Variants in DAB2 observed in about 807,000 individuals in gnomAD.
DAB2 encodes disabled homolog 2.
In DAB2, 28 loss-of-function variants were observed where a neutral mutation model predicts 71.6. That is an observed-to-expected ratio of 0.39 (90% CI 0.29 to 0.54). DAB2 has a LOEUF of 0.54. Ranked by LOEUF, DAB2 falls within the 20% of genes least tolerant of loss-of-function variation. The pLI, the probability that DAB2 is intolerant of heterozygous loss-of-function variation, is 0.68. For synonymous variants in DAB2, 345 were observed against 339.7 expected, an observed-to-expected ratio of 1.02 and a Z score of -0.17; for missense variants, 867 against 928.8, an observed-to-expected ratio of 0.93 and a Z score of 0.86.
intron 9 of DAB2, among the ~76,000 whole-genome samples, chr5:39,383,940 C>G (rs954443323): frequency 6.6e-5 from 10 of 152,198 alleles, no homozygotes; most frequent in African/African-American, 1.2e-4. Flanking sequence ...ATTTAAGGCT[C>G]TTGCTGAAGC....
chr5:39,381,469 G>C lies in DAB2; in HGVS notation c.1489C>G (p.Pro497Ala), dbSNP rs1393748477. The change falls in exon 11 of 15, where the codon CCC becomes GCC. Residue 497 changes from proline to alanine, a missense_variant. Physicochemically the swap from Pro to Ala is conservative, Grantham distance 27. This residue lies in a region of DAB2 where 740 missense variants were observed against 734.3 expected (regional missense o/e 1.01). Transcript: ENST00000320816. ...FKTSAPAPVG[P>A]LVGLGGVTVT... ...AGGCACCTACCTAGACCCACCAGGGGCCCCACTGGGGCAGGAGCACTTGTT... is the reference window on the plus strand; with the variant it reads ...AGGCACCTACCTAGACCCACCAGGGCCCCCACTGGGGCAGGAGCACTTGTT... The C allele has an allele frequency of 6.2e-7, 1 of 1,613,834 alleles. No homozygotes were observed. The highest frequency in any genetic ancestry group is 1.1e-5 in the South Asian group (1 of 91,072).
Position 39,424,815 on chromosome 5 carries a change from T to C in DAB2, c.-113A>G, listed in dbSNP as rs1022033452. On this transcript the variant is annotated 5_prime_UTR_variant, in exon 1 of 15. Coordinates refer to ENST00000320816, the MANE Select transcript of DAB2 (RefSeq NM_001343.4). ...TCGAAGCTACTCACCGGCTAGCTAT[T>C]GCCTCCGTGAAGCGAGCATGACTTC... 3 of 152,372 alleles carry C rather than the reference T, an allele frequency of 2.0e-5. No individual in the cohort carries two copies. 9.4% of individuals were successfully genotyped at this position (152,372 alleles called of 1,614,324 possible). A position where few individuals can be genotyped will look rare whatever the true frequency, so the allele number is the denominator to read the frequency against.
At position 39,382,997 on chromosome 5, in the gene DAB2, T is replaced by G; in HGVS notation, c.962A>C (p.Lys321Thr). The G allele has an allele frequency of 6.2e-7, 1 of 1,614,182 alleles. No homozygotes were observed. The highest frequency in any genetic ancestry group is 8.5e-7 in the Non-Finnish European group (1 of 1,180,040). Residue 321 changes from lysine (K) to threonine (T), a missense_variant, in exon 10 of 15, where the codon AAA (lysine) becomes ACA (threonine). Coordinates refer to ENST00000320816, the MANE Select transcript of DAB2 (RefSeq NM_001343.4). Reference protein sequence around the residue: ...FDSLKSPDQKKENSSSSSTPL... With the variant: ...FDSLKSPDQKTENSSSSSTPL... ...AGTAGACGAGCTACTCGAATTCTCT[T>G]TCTTCTGATCTGGAGATTTGAGAGA...
intron 1 of DAB2, among the ~76,000 whole-genome samples, chr5:39,397,536 C>T (rs79515039): frequency 0.015 from 2,233 of 152,224 alleles, 57 homozygotes; most frequent in African/African-American, 0.05. Context: ...TATCTGCGGC[C>T]ATACAACCAT....
intron 9 of DAB2, chr5:39,385,569 G>A (rs974598790): frequency 2.0e-5 from 3 of 152,208 alleles, no homozygotes; most frequent in Admixed American, 6.5e-5. Context: ...ATTCTTTGTC[G>A]AACTGTCAAC....
At position 39,408,575 on chromosome 5, in the gene DAB2, C is replaced by T. The variant is rs1004055223; in HGVS notation, c.-101-14154G>A. 11 of 152,110 alleles carry T rather than the reference C, an allele frequency of 7.2e-5. No individual in the cohort carries two copies. In the South Asian group the frequency reaches 1.7e-3, roughly 23 times the overall value. The allele number at this position is 152,110 out of a possible 1,614,324, so 9.4% of individuals were successfully genotyped here. ...GTTTGTTTTGATTTGAAACTGCTTA[C>T]TATTTACTGTCATCTGGTGTGCTCA... On this transcript the variant is annotated intron_variant, in intron 1 of 14. Coordinates refer to ENST00000320816, the MANE Select transcript of DAB2 (RefSeq NM_001343.4).
chr5:39,392,991 C>T (rs980292815), intron 3 of DAB2, among the ~76,000 whole-genome samples: 1 of 152,098 alleles, frequency 6.6e-6, no homozygotes, highest in African/African-American at 2.4e-5. Flanking sequence ...AATAGGAATA[C>T]GCTTGGTTCG....
chr5:39,381,393 C>T (rs759711177), intron 11 of DAB2, 61 bp downstream of exon 11: 421 of 1,519,314 alleles, frequency 2.8e-4, no homozygotes, highest in Non-Finnish European at 3.6e-4. Flanking sequence ...TCTTCCGATG[C>T]ATCATCATTT....
chr5:39,377,238 C>T lies in DAB2; in HGVS notation c.1549G>A (p.Ala517Thr), dbSNP rs1754855982. 6 of 1,614,116 alleles carry T rather than the reference C, an allele frequency of 3.7e-6. No individual in the cohort carries two copies. In the East Asian group the frequency reaches 1.3e-4, roughly 36 times the overall value. The change falls in exon 12 of 15, where the codon GCA becomes ACA. Residue 517 changes from alanine (A) to threonine (T), a missense_variant. Ala to Thr is a moderately conservative substitution (Grantham distance 58, BLOSUM62 0). Around this residue, in one of 2 missense-constraint regions of DAB2, gnomAD observed 740 missense variants for 734.3 expected, o/e 1.01. Transcript: ENST00000320816. ...TLPQAGPWNT[A>T]SLVFNQSPSM... ...GGGGACTGATTGAAGACCAAAGATGCTGTGTTCCATGGTCCTGCCTGAGGG... is the reference window on the plus strand; with the variant it reads ...GGGGACTGATTGAAGACCAAAGATGTTGTGTTCCATGGTCCTGCCTGAGGG...
At chr5:39,386,779 A>G (rs1254781278) in intron 9 of DAB2, among the ~76,000 whole-genome samples, 4 of 152,138 alleles carry the variant, frequency 2.6e-5, no homozygotes, top group African/African-American at 9.7e-5. Context: ...CTCTTTGAAT[A>G]TTACTTGTTT....
intron 9 of DAB2, among the ~76,000 whole-genome samples, chr5:39,383,608 T>G (rs1029464639): frequency 2.6e-5 from 4 of 152,206 alleles, no homozygotes; most frequent in African/African-American, 9.6e-5. Context: ...AATTTGTGAC[T>G]TTGAAAGTCT....
At chr5:39,381,726 A>G (rs1247846355) in intron 10 of DAB2, 110 bp from the exon 11 acceptor site, 6 of 1,207,398 alleles carry the variant, frequency 5.0e-6, no homozygotes, top group Non-Finnish European at 6.9e-6. Context: ...AAAAAGGAAA[A>G]CTTTTTTCTT....
At chr5:39,404,473 A>AAAG (rs1755569233) in intron 1 of DAB2, among the ~76,000 whole-genome samples, 1 of 149,948 alleles carries the variant, frequency 6.7e-6, no homozygotes, top group African/African-American at 2.4e-5. Flanking sequence ...AAAAAAAAAA[A>AAAG]AAAGAAAGAA....
intron 1 of DAB2, among the ~76,000 whole-genome samples, chr5:39,395,919 G>A (rs1055211817): frequency 1.4e-5 from 2 of 142,604 alleles, no homozygotes; most frequent in East Asian, 2.1e-4. Context: ...CCAGAGGGAA[G>A]GCTAAGACAC....
At chr5:39,391,342 C>T (rs375318376) in intron 4 of DAB2, among the ~76,000 whole-genome samples, 44 of 152,116 alleles carry the variant, frequency 2.9e-4, no homozygotes, top group African/African-American at 1.0e-3. Context: ...TCTAAGATAT[C>T]TTAGAGTATC....
intron 1 of DAB2, chr5:39,423,825 C>T (rs1756041646): frequency 6.6e-6 from 1 of 152,080 alleles, no homozygotes; most frequent in South Asian, 2.1e-4. Flanking sequence ...ATTTTTAAGT[C>T]TTTCCATGTG....
In DAB2 at chr5:39,383,152, C is replaced by T. The variant is rs748849295; in HGVS notation, c.807G>A (p.Thr269=). The change falls in exon 10 of 15, where the codon ACG becomes ACA. Residue 269 remains threonine, a synonymous_variant. Coordinates refer to ENST00000320816, the MANE Select transcript of DAB2 (RefSeq NM_001343.4). ...GITSCSLPRP[T]PQASFLPENA... ...TTTCAGGCAAGAAGGATGCCTGAGGCGTTGGTCGAGGAAGAGAACAGGAGG... is the reference window on the plus strand; with the variant it reads ...TTTCAGGCAAGAAGGATGCCTGAGGTGTTGGTCGAGGAAGAGAACAGGAGG... 7 of 1,613,916 alleles carry T rather than the reference C, an allele frequency of 4.3e-6. No individual in the cohort carries two copies. Among genetic ancestry groups the T allele is most frequent in the Middle Eastern group, 1.7e-4 (1 of 6,060 alleles).
intron 11 of DAB2, among the ~76,000 whole-genome samples, chr5:39,379,762 G>T (rs1242370733): frequency 6.6e-6 from 1 of 151,314 alleles, no homozygotes; most frequent in Non-Finnish European, 1.5e-5. Context: ...CCCCAGCTGG[G>T]TCTAGCGGAA....
chr5:39,389,633 G>A (rs762592200), intron 6 of DAB2, among the ~76,000 whole-genome samples: 3 of 151,898 alleles, frequency 2.0e-5, no homozygotes, highest in Non-Finnish European at 1.5e-5. Flanking sequence ...TGCTTCAGAC[G>A]CCCAAGTAGC....
Sources: gnomAD v4.1 joint callset for allele counts (sites outside exome capture counted in the v4.1 genomes callset) on GRCh38, gnomAD v4.1.1 for gene constraint, gnomAD v4.1.1 regional missense constraint, MANE v1.5 for transcripts, NCBI Gene and HGNC (gene_info 2026-07-23, HGNC 2026-07-21) for gene names.